Variants in STAT5B observed in about 807,000 individuals in gnomAD.
STAT5B encodes signal transducer and activator of transcription 5B.
A neutral mutation model predicts 107.8 loss-of-function variants in STAT5B; 21 were observed. The ratio of observed to expected loss-of-function variants is 0.19; its 90% CI spans 0.14 to 0.28. The LOEUF (loss-of-function observed/expected upper bound fraction) is 0.28. Among genes scored for constraint, STAT5B ranks in the 10% least tolerant of loss-of-function variants. The pLI is 1.00. For missense variants in STAT5B, 565 were observed against 1,008.2 expected, an observed-to-expected ratio of 0.56 and a Z score of 5.95; for synonymous variants, 325 against 401.7, an observed-to-expected ratio of 0.81 and a Z score of 2.28.
At chr17:42,202,026 T>A in intron 18 of STAT5B, 162 bp from the exon 19 acceptor site, 3 of 698,460 alleles carry the variant, frequency 4.3e-6, no homozygotes, top group Non-Finnish European at 7.4e-6. Context: ...GTACAGCAAC[T>A]CAGACTGAAA....
At chr17:42,286,048 C>T in the STAT5B span, among the ~76,000 whole-genome samples, 2 of 151,766 alleles carry the variant, frequency 1.3e-5, no homozygotes, top group Non-Finnish European at 2.9e-5. Context: ...GGAGAAACAC[C>T]GCCTCTACTA....
Position 42,202,407 on chromosome 17 carries a change from TG to T in STAT5B, c.2169del (p.Thr724ArgfsTer42). ...GGGGAGGGGGCCTGGTCCATGTACG[TG>T]GCGCTGCCGCCCCCGGCATCTGCAG... Reference protein sequence around the residue: ...NASADAGGGSATYMDQAPSPA... With the variant: ...NASADAGGGSXTYMDQAPSPA... On this transcript the variant is annotated frameshift_variant, in exon 18 of 19. Transcript: ENST00000293328. LOFTEE classifies it high-confidence loss of function. 6.2e-7 allele frequency: 1 copy of T among 1,614,220 alleles called. No individual in the cohort carries two copies. Among genetic ancestry groups the T allele is most frequent in the Non-Finnish European group, 8.5e-7 (1 of 1,180,032 alleles).
chr17:42,251,998 C>CA (rs78151719), intron 1 of STAT5B, among the ~76,000 whole-genome samples: 6,956 of 69,052 alleles, frequency 0.1, 619 homozygotes, highest in African/African-American at 0.29. Context: ...GGCTCCGTCT[C>CA]AAAAAAAAAA....
Position 42,223,571 on chromosome 17 carries a change from G to C in STAT5B, c.376-15C>G, listed in dbSNP as rs201981865. The C allele has an allele frequency of 1.9e-3, 3,063 of 1,614,050 alleles. 3 individuals are homozygous for C. Among genetic ancestry groups the C allele is most frequent in the Non-Finnish European group, 2.4e-3 (2,880 of 1,179,992 alleles). On this transcript the variant is annotated splice_polypyrimidine_tract_variant and intron_variant, in intron 4 of 18. Transcript: ENST00000293328. ...GGAGAGCTACCCTGGGAACATATGG[G>C]GGGCAGTGCAAGGCAGTGCGAATGG...
the STAT5B span, among the ~76,000 whole-genome samples, chr17:42,281,841 G>A: frequency 2.0e-5 from 3 of 152,236 alleles, no homozygotes; most frequent in South Asian, 4.1e-4. Flanking sequence ...AGTCCTGGGG[G>A]ATGCAGCATT....
intron 2 of STAT5B, among the ~76,000 whole-genome samples, chr17:42,231,553 G>C (rs1207284364): frequency 3.3e-5 from 5 of 152,018 alleles, no homozygotes; most frequent in Admixed American, 2.6e-4. Flanking sequence ...TGTTGCTCAG[G>C]CCTTCCTTGA....
At chr17:42,221,685 G>A (rs1164301939) in intron 5 of STAT5B, among the ~76,000 whole-genome samples, 3 of 152,160 alleles carry the variant, frequency 2.0e-5, no homozygotes, top group Admixed American at 6.5e-5. Flanking sequence ...GATGGATTCA[G>A]ATAAAAAAGG....
intron 1 of STAT5B, among the ~76,000 whole-genome samples, chr17:42,266,671 G>A (rs1447612707): frequency 6.6e-6 from 1 of 151,930 alleles, no homozygotes; most frequent in East Asian, 1.9e-4. Flanking sequence ...GGAGGTGGGA[G>A]GGATCACCTG....
intron 15 of STAT5B, among the ~76,000 whole-genome samples, chr17:42,209,790 A>G (rs898593143): frequency 6.6e-6 from 1 of 152,250 alleles, no homozygotes; most frequent in African/African-American, 2.4e-5. Flanking sequence ...GAATATTTTT[A>G]CTACTGTAAG....
chr17:42,263,871 G>GCACACACGCACACA (rs1555553707), intron 1 of STAT5B, among the ~76,000 whole-genome samples: 11 of 144,936 alleles, frequency 7.6e-5, no homozygotes, highest in African/African-American at 2.8e-4. Context: ...TAGAAAGCGC[G>GCACACACGCACACA]CACACACACA....
intron 1 of STAT5B, among the ~76,000 whole-genome samples, chr17:42,258,343 C>A (rs911831078): frequency 3.3e-5 from 5 of 152,180 alleles, no homozygotes; most frequent in African/African-American, 1.2e-4. Context: ...GAAGTTCTAG[C>A]CATTTCTTCA....
chr17:42,263,216 ATATACAGGC>A lies in STAT5B; in HGVS notation c.-11+13023_-11+13031del, dbSNP rs369800714. 1.2e-3 allele frequency among the ~76,000 whole-genome samples: 174 copies of A among 150,698 alleles called. 1 individual carries two copies. The highest frequency in any genetic ancestry group is 3.9e-3 in the African/African-American group (160 of 41,110). ...ATTCTCCATAAGCTTCTGTGTAAAA[ATATACAGGC>A]TACCACGAAGCACAGGAAATAACAC... On this transcript the variant is annotated intron_variant, in intron 1 of 18. Coordinates refer to ENST00000293328, the MANE Select transcript of STAT5B (RefSeq NM_012448.4).
chr17:42,231,150 AT>A (rs1330233888), intron 2 of STAT5B, among the ~76,000 whole-genome samples: 16 of 152,116 alleles, frequency 1.1e-4, no homozygotes, highest in Non-Finnish European at 2.1e-4. Context: ...ATTCACACCT[AT>A]CTGCCCCATT....
chr17:42,201,462 C>T lies in STAT5B; in HGVS notation c.*276G>A. 1.6e-6 allele frequency: 1 copy of T among 606,408 alleles called. No homozygotes were observed. The highest frequency in any genetic ancestry group is 3.0e-6 in the Non-Finnish European group (1 of 338,762). The allele number at this position is 606,408 out of a possible 1,614,324, so 37.6% of individuals were successfully genotyped here. A position where few individuals can be genotyped will look rare whatever the true frequency, so the allele number is the denominator to read the frequency against. ...AAACCACCACAGCTTCTGTCTGTGG[C>T]CCCTCTGCTACAACTAAACTCTCAG... On this transcript the variant is annotated 3_prime_UTR_variant, in exon 19 of 19. Coordinates refer to ENST00000293328, the MANE Select transcript of STAT5B (RefSeq NM_012448.4).
chr17:42,200,125 G>A lies in STAT5B; in HGVS notation c.*1613C>T, dbSNP rs1337191223. On this transcript the variant is annotated 3_prime_UTR_variant, in exon 19 of 19. Coordinates refer to ENST00000293328, the MANE Select transcript of STAT5B (RefSeq NM_012448.4). ...TGTATGAAACCAAGCCAAGGCAAACGGCAGCTTTAAAAAAGTCATCTTCCA... is the reference window on the plus strand; with the variant it reads ...TGTATGAAACCAAGCCAAGGCAAACAGCAGCTTTAAAAAAGTCATCTTCCA... The A allele has an allele frequency of 4.6e-5, 7 of 152,698 alleles. No individual in the cohort carries two copies. The highest frequency in any genetic ancestry group is 3.8e-4 in the East Asian group (2 of 5,310). The allele number at this position is 152,698 out of a possible 1,614,324, so 9.5% of individuals were successfully genotyped here. A position where few individuals can be genotyped will look rare whatever the true frequency, so the allele number is the denominator to read the frequency against.
At chr17:42,263,927 C>G (rs1209276426) in intron 1 of STAT5B, among the ~76,000 whole-genome samples, 3 of 151,212 alleles carry the variant, frequency 2.0e-5, no homozygotes, top group Non-Finnish European at 4.4e-5. Context: ...CTCCACGACC[C>G]AGAAGAAATC....
intron 1 of STAT5B, among the ~76,000 whole-genome samples, chr17:42,250,413 G>A (rs1414853455): frequency 1.3e-5 from 2 of 152,120 alleles, no homozygotes; most frequent in African/African-American, 4.8e-5. Context: ...AAACTGTTTT[G>A]TGTTGGAAAC....
At position 42,219,325 on chromosome 17, in the gene STAT5B, C is replaced by T. The variant is rs773861955; in HGVS notation, c.820G>A (p.Val274Met). The T allele has an allele frequency of 1.7e-5, 25 of 1,472,458 alleles. No homozygotes were observed. In the South Asian group the frequency reaches 2.3e-4, roughly 14 times the overall value. 91.2% of individuals were successfully genotyped at this position (1,472,458 alleles called of 1,614,324 possible). The change falls in exon 7 of 19, where the codon GTG becomes ATG. Residue 274 changes from valine to methionine, a missense_variant. Coordinates refer to ENST00000293328, the MANE Select transcript of STAT5B (RefSeq NM_012448.4). The stretch of plus-strand genomic sequence containing the variant: ...CCACACCATTACCAGGACTGTAGCA[C>T]GTCCAGGCTGCCCTCGGGGGGCCCG... ...NGGPPEGSLD[V>M]LQSWCEKLAE...
At chr17:42,281,227 C>T (rs959728468), upstream of STAT5B, among the ~76,000 whole-genome samples, 3 of 151,894 alleles carry the variant, frequency 2.0e-5, no homozygotes, top group Non-Finnish European at 2.9e-5. Context: ...TTTCCCATCA[C>T]GTGTAAATCA....
Sources: gnomAD v4.1 joint callset for allele counts (sites outside exome capture counted in the v4.1 genomes callset) on GRCh38, gnomAD v4.1.1 for gene constraint, MANE v1.5 for transcripts, NCBI Gene and HGNC (gene_info 2026-07-23, HGNC 2026-07-21) for gene names.